The following CTNNA2 variants were observed in gnomAD, a reference collection of about 807,000 sequenced individuals.
CTNNA2 encodes the protein catenin alpha-2.
A neutral mutation model predicts 101.0 loss-of-function variants in CTNNA2; 42 were observed. That is an observed-to-expected ratio of 0.42 (90% CI 0.32 to 0.54). The LOEUF (loss-of-function observed/expected upper bound fraction) is 0.54, where lower values mean the gene tolerates loss of function less well. Ranked by LOEUF, CTNNA2 falls within the 20% of genes least tolerant of loss-of-function variation. The pLI is 0.14. For missense variants in CTNNA2, 871 were observed against 1,223.1 expected, an observed-to-expected ratio of 0.71 and a Z score of 4.29; for synonymous variants, 450 against 456.4, an observed-to-expected ratio of 0.99 and a Z score of 0.18.
chr2:80,173,314 G>A (rs141000760), intron 7 of CTNNA2, among the ~76,000 whole-genome samples: 1 of 152,244 alleles, frequency 6.6e-6, no homozygotes, highest in African/African-American at 2.4e-5. Flanking sequence ...GTGCTTTCAT[G>A]TCTAAAATTG....
At chr2:79,498,571 C>G (rs1251604176) in intron 4 of CTNNA2, among the ~76,000 whole-genome samples, 1 of 152,072 alleles carries the variant, frequency 6.6e-6, no homozygotes, top group Non-Finnish European at 1.5e-5. Flanking sequence ...GCACCTTTAT[C>G]TTAACCGCTG....
intron 1 of CTNNA2, among the ~76,000 whole-genome samples, chr2:79,559,893 G>A (rs1247472159): frequency 1.3e-5 from 2 of 151,782 alleles, no homozygotes; most frequent in African/African-American, 4.8e-5. Flanking sequence ...TATGTAACAT[G>A]TCATATCATT....
intron 2 of CTNNA2, among the ~76,000 whole-genome samples, chr2:79,259,345 C>T (rs577272869): frequency 5.1e-4 from 77 of 152,240 alleles, no homozygotes; most frequent in African/African-American, 1.7e-3. Context: ...CTGAACTGAG[C>T]TACAAGAATA....
Position 79,219,169 on chromosome 2 carries a change from C to T in CTNNA2, c.-406+21093C>T, listed in dbSNP as rs1239185368. ...TCTAAGAAAACATTATTCTTAATGG[C>T]TATGTAATATTTCATTATATCATTT... On this transcript the variant is annotated intron_variant, in intron 2 of 21. Coordinates refer to the CTNNA2 transcript ENST00000466387. Among the ~76,000 whole-genome samples the T allele has an allele frequency of 3.9e-5, 6 of 152,218 alleles. No individual in the cohort carries two copies. The East Asian group carries it at 1.2e-3, about 29-fold the overall frequency.
intron 2 of CTNNA2, among the ~76,000 whole-genome samples, chr2:79,698,982 T>C (rs922358825): frequency 1.3e-5 from 2 of 152,088 alleles, no homozygotes; most frequent in Admixed American, 1.3e-4. Context: ...GATCCTCCTA[T>C]GTGATGAAAT....
intron 7 of CTNNA2, among the ~76,000 whole-genome samples, chr2:80,262,423 G>A (rs1672678263): frequency 1.3e-5 from 2 of 152,028 alleles, no homozygotes; most frequent in South Asian, 2.1e-4. Flanking sequence ...TAAACAAATT[G>A]GTGTATATAT....
chr2:80,486,491 T>C (rs774641758), intron 9 of CTNNA2, among the ~76,000 whole-genome samples: 1 of 152,142 alleles, frequency 6.6e-6, no homozygotes, highest in Non-Finnish European at 1.5e-5. Context: ...TTATTAAAAA[T>C]TCAATAATGA....
intron 3 of CTNNA2, among the ~76,000 whole-genome samples, chr2:79,839,817 T>C (rs958195615): frequency 1.3e-5 from 2 of 152,148 alleles, no homozygotes; most frequent in African/African-American, 4.8e-5. Flanking sequence ...TTTTTAAATA[T>C]TCATTTAATA....
chr2:79,660,444 C>A (rs573940334), intron 2 of CTNNA2, among the ~76,000 whole-genome samples: 20 of 151,300 alleles, frequency 1.3e-4, no homozygotes, highest in African/African-American at 4.8e-4. Context: ...TATAAATTTA[C>A]CTGTATTACA....
At chr2:79,782,161 A>G (rs1414904198) in intron 3 of CTNNA2, among the ~76,000 whole-genome samples, 2 of 152,200 alleles carry the variant, frequency 1.3e-5, no homozygotes, top group Admixed American at 6.5e-5. Context: ...AATTTTATAT[A>G]TAAAATGAAA....
intron 3 of CTNNA2, among the ~76,000 whole-genome samples, chr2:79,315,492 A>C (rs1450141550): frequency 6.6e-6 from 1 of 152,170 alleles, no homozygotes; most frequent in Admixed American, 6.5e-5. Context: ...ATAAAAATGG[A>C]ATCTTACAAT....
chr2:80,232,375 T>G (rs796746374), intron 7 of CTNNA2, among the ~76,000 whole-genome samples: 25,819 of 81,158 alleles, frequency 0.32, 4,138 homozygotes, highest in South Asian at 0.48. Context: ...TTTTTTTTTT[T>G]TTTTTTTTTT....
rs1053640406 is a variant in CTNNA2 at position 79,314,705 on chromosome 2, C to T, written c.-318+1909C>T. Among the ~76,000 whole-genome samples, 7 of 152,164 alleles carry T rather than the reference C, an allele frequency of 4.6e-5. No homozygotes were observed. The East Asian group carries it at 1.3e-3, about 29-fold the overall frequency. ...AGATAGGAATTGTTCCTTGGGGCCC[C>T]ATTTTGGCTCAGTGTGATCAGTTTA... is the stretch of plus-strand genomic sequence containing the variant. On this transcript the variant is annotated intron_variant, in intron 3 of 21. Transcript: ENST00000466387.
chr2:80,386,090 G>A (rs923476779), intron 7 of CTNNA2, among the ~76,000 whole-genome samples: 1 of 152,116 alleles, frequency 6.6e-6, no homozygotes, highest in Non-Finnish European at 1.5e-5. Flanking sequence ...ATCGGATAGG[G>A]CCTGGTAGTC....
chr2:79,674,641 G>A (rs565006787), intron 2 of CTNNA2, among the ~76,000 whole-genome samples: 1 of 152,124 alleles, frequency 6.6e-6, no homozygotes, highest in Non-Finnish European at 1.5e-5. Flanking sequence ...TAGTTCTCTA[G>A]TATGTAGACC....
intron 7 of CTNNA2, among the ~76,000 whole-genome samples, chr2:79,952,480 G>A (rs1323437978): frequency 6.6e-6 from 1 of 152,124 alleles, no homozygotes; most frequent in Non-Finnish European, 1.5e-5. Flanking sequence ...CCACTGAATT[G>A]AACACTTTCA....
chr2:79,218,549 C>G (rs1467306825), intron 2 of CTNNA2, among the ~76,000 whole-genome samples: 1 of 152,010 alleles, frequency 6.6e-6, no homozygotes, highest in Non-Finnish European at 1.5e-5. Flanking sequence ...AGTAGGGACT[C>G]GGAAGAGACT....
chr2:79,393,728 C>T (rs1573144431), intron 4 of CTNNA2, among the ~76,000 whole-genome samples: 1 of 151,884 alleles, frequency 6.6e-6, no homozygotes, highest in Admixed American at 6.6e-5. Context: ...GTAGGGTTTC[C>T]GTGCTACTAA....
At chr2:79,986,164 A>C (rs540905) in intron 7 of CTNNA2, among the ~76,000 whole-genome samples, 90,821 of 152,066 alleles carry the variant, frequency 0.6, 29,661 homozygotes, top group Non-Finnish European at 0.75. Context: ...AGACCTCTTT[A>C]AGTTTTCAGC....
Sources: allele counts gnomAD v4.1 joint callset (sites outside exome capture counted in the v4.1 genomes callset), GRCh38; gene constraint gnomAD v4.1.1; transcripts MANE v1.5; gene names NCBI Gene and HGNC (gene_info 2026-07-23, HGNC 2026-07-21).